PCDHGA3: variants seen among roughly 807,000 people sequenced by gnomAD.
PCDHGA3 encodes the protein protocadherin gamma-A3.
PCDHGA3 carries 40 observed loss-of-function variants against 58.5 expected under a neutral mutation model. The observed-to-expected ratio is 0.68, with a 90% CI of 0.53 to 0.89. The LOEUF (loss-of-function observed/expected upper bound fraction) is 0.89, where lower values mean the gene tolerates loss of function less well. PCDHGA3 is among the 40% of genes least tolerant of loss of function. The probability of loss-of-function intolerance (pLI) is 0.00; values close to 1 mark genes in which losing one functional copy is unlikely to be tolerated. For synonymous variants in PCDHGA3, 530 were observed against 525.7 expected (o/e 1.01, Z -0.11); for missense variants, 1,223 against 1,195.9 (o/e 1.02, Z -0.33).
rs1181585491 is a variant in PCDHGA3, at chr5:141,371,693, C to A, written c.2424+25236C>A. Reference sequence around the variant, plus strand: ...CCGACAAAGGCAATCCACCGCTCTCCTCCAGCAAGACCATCACTCTGCACA... The same window carrying A: ...CCGACAAAGGCAATCCACCGCTCTCATCCAGCAAGACCATCACTCTGCACA... On this transcript the variant is annotated intron_variant, in intron 1 of 3. Transcript: ENST00000253812. 6.8e-6 allele frequency: 11 copies of A among 1,613,948 alleles called. No individual in the cohort carries two copies. In the Admixed American group the frequency reaches 1.7e-4, roughly 24 times the overall value.
intron 1 of PCDHGA3, chr5:141,403,395 C>T (rs758295115): frequency 3.7e-6 from 6 of 1,614,084 alleles, no homozygotes; most frequent in Admixed American, 3.3e-5. Context: ...ATCGCGGTTC[C>T]TGGAGCACGT....
chr5:141,351,028 C>A (rs1280700685), intron 1 of PCDHGA3: 3 of 1,614,092 alleles, frequency 1.9e-6, no homozygotes, highest in Non-Finnish European at 2.5e-6. Flanking sequence ...CGTGGGGAAC[C>A]TCCGTGCTGC....
intron 1 of PCDHGA3, among the ~76,000 whole-genome samples, chr5:141,438,833 T>C (rs989612425): frequency 6.6e-6 from 1 of 150,476 alleles, no homozygotes; most frequent in Non-Finnish European, 1.5e-5. Context: ...AGCTAATTTT[T>C]TAAAATATTT....
At chr5:141,356,309 A>G (rs1276451219) in intron 1 of PCDHGA3, 1 of 1,554,284 alleles carries the variant, frequency 6.4e-7, no homozygotes, top group Non-Finnish European at 8.7e-7. Context: ...GCACTTTTCA[A>G]CGTGCATGAC....
chr5:141,434,010 T>C (rs772136259), intron 1 of PCDHGA3, among the ~76,000 whole-genome samples: 26 of 152,224 alleles, frequency 1.7e-4, no homozygotes, highest in Non-Finnish European at 3.1e-4. Flanking sequence ...TATATGTTTG[T>C]TTCTATGATT....
At chr5:141,419,298 A>G in intron 1 of PCDHGA3, 1 of 1,613,988 alleles carries the variant, frequency 6.2e-7, no homozygotes, top group Non-Finnish European at 8.5e-7. Context: ...TCTGACCCAG[A>G]CTTCGGGCTC....
chr5:141,496,802 A>G (rs1483438160), intron 2 of PCDHGA3, among the ~76,000 whole-genome samples: 1 of 152,050 alleles, frequency 6.6e-6, no homozygotes, highest in Admixed American at 6.6e-5. Flanking sequence ...ACATTGGGCT[A>G]TAGGAGTGAA....
At position 141,477,572 on chromosome 5, in the gene PCDHGA3, G is replaced by A. The variant is rs375416133; in HGVS notation, c.2425-17235G>A. The A allele has an allele frequency of 6.2e-7, 1 of 1,614,112 alleles. No homozygotes were observed. The highest frequency in any genetic ancestry group is 8.5e-7 in the Non-Finnish European group (1 of 1,180,030). On this transcript the variant is annotated intron_variant, in intron 1 of 3. Coordinates refer to ENST00000253812, the MANE Select transcript of PCDHGA3 (RefSeq NM_018916.4). This position sits in a 1 kb window ranked among gnomAD's most constrained non-coding sequence, Gnocchi z 4.9. ...AAACCTAAGTGTCTGGGACCCCGAC[G>A]CCCCGCAGAATGCTCGGCTTTCTTT...
intron 1 of PCDHGA3, among the ~76,000 whole-genome samples, chr5:141,348,745 G>A (rs1055933152): frequency 6.6e-6 from 1 of 152,188 alleles, no homozygotes; most frequent in African/African-American, 2.4e-5. Context: ...ATAGTAAAAG[G>A]AATGGAAAGT....
chr5:141,367,878 CTTT>C (rs1165351222), intron 1 of PCDHGA3: 2 of 151,946 alleles, frequency 1.3e-5, no homozygotes, highest in South Asian at 2.1e-4. Flanking sequence ...TGCAATTCTT[CTTT>C]ATTACTTGAG....
At chr5:141,350,030 C>T (rs916605863) in intron 1 of PCDHGA3, 2 of 377,360 alleles carry the variant, frequency 5.3e-6, no homozygotes, top group Non-Finnish European at 9.4e-6. Context: ...TCCAAGACAA[C>T]CTCTGGGCGC....
At chr5:141,478,526 G>A (rs1402123535) in intron 1 of PCDHGA3, 1 of 1,609,906 alleles carries the variant, frequency 6.2e-7, no homozygotes, top group Admixed American at 1.7e-5. Context: ...GTTGGGTGCA[G>A]AGAGCGCCCC....
At chr5:141,389,325 C>A (rs368804822) in intron 1 of PCDHGA3, 3 of 1,614,004 alleles carry the variant, frequency 1.9e-6, no homozygotes, top group Non-Finnish European at 2.5e-6. Flanking sequence ...GGACTTGGGG[C>A]CCAACGGCCA....
At chr5:141,410,576 C>A (rs533810160) in intron 1 of PCDHGA3, 1 of 1,611,270 alleles carries the variant, frequency 6.2e-7, no homozygotes, top group African/African-American at 1.3e-5. Flanking sequence ...AATTCCACCT[C>A]ATGGTGGGGA....
chr5:141,490,098 T>C lies in PCDHGA3; in HGVS notation c.2425-4709T>C, dbSNP rs774132407. On this transcript the variant is annotated intron_variant, in intron 1 of 3. Transcript: ENST00000253812. The surrounding 1 kb of genome is among the most constrained non-coding windows in gnomAD (Gnocchi z 5.4). ...ACTATTCTTTTGGAGACCACACATCTGAGGCAGTGCGGAACCTCTTTGGCC... is the reference window on the plus strand; with the variant it reads ...ACTATTCTTTTGGAGACCACACATCCGAGGCAGTGCGGAACCTCTTTGGCC... The C allele has an allele frequency of 6.2e-7, 1 of 1,614,260 alleles. No homozygotes were observed. The highest frequency in any genetic ancestry group is 8.5e-7 in the Non-Finnish European group (1 of 1,180,038).
Position 141,375,514 on chromosome 5 carries a change from G to A in PCDHGA3, c.2424+29057G>A, listed in dbSNP as rs1345928950. On this transcript the variant is annotated intron_variant, in intron 1 of 3. Transcript: ENST00000253812. The stretch of plus-strand genomic sequence containing the variant: ...CCTCCATCTTCTCTGTGAATGCACT[G>A]GACCCTGACGTGGACCAGAACGCCC... 3.1e-6 allele frequency: 5 copies of A among 1,613,836 alleles called. No homozygotes were observed. In the African/African-American group the frequency reaches 4.0e-5, roughly 13 times the overall value.
intron 1 of PCDHGA3, among the ~76,000 whole-genome samples, chr5:141,386,804 A>T (rs976518864): frequency 6.6e-6 from 1 of 152,238 alleles, no homozygotes; most frequent in Non-Finnish European, 1.5e-5. Context: ...AATTTATTAG[A>T]TGCATAAAAT....
At chr5:141,365,624 CT>C (rs746073456) in intron 1 of PCDHGA3, 28 of 1,613,680 alleles carry the variant, frequency 1.7e-5, no homozygotes, top group East Asian at 1.3e-4. Flanking sequence ...AACCCCGCCC[CT>C]CTCTACAGAA....
chr5:141,423,330 C>T (rs932335651), intron 1 of PCDHGA3: 2 of 1,614,174 alleles, frequency 1.2e-6, no homozygotes, highest in Non-Finnish European at 1.7e-6. Flanking sequence ...TGGCCGCAGT[C>T]TCCTGCATCT....
Sources: allele counts gnomAD v4.1 joint callset (sites outside exome capture counted in the v4.1 genomes callset), GRCh38; gene constraint gnomAD v4.1.1; non-coding constraint Gnocchi (gnomAD v3.1); transcripts MANE v1.5; gene names NCBI Gene and HGNC (gene_info 2026-07-23, HGNC 2026-07-21).